Variants in RNF157 observed in about 807,000 individuals in gnomAD.
RNF157 encodes ring finger protein 157.
RNF157 carries 55 observed loss-of-function variants against 88.3 expected under a neutral mutation model. The ratio of observed to expected loss-of-function variants is 0.62; its 90% CI spans 0.50 to 0.78. The LOEUF is 0.78. Among genes scored for constraint, RNF157 ranks in the 30% least tolerant of loss-of-function variants. The probability of loss-of-function intolerance (pLI) is 0.00; values close to 1 mark genes in which losing one functional copy is unlikely to be tolerated. For synonymous variants in RNF157, 334 were observed against 341.2 expected (o/e 0.98, Z 0.23); for missense variants, 788 against 860.8 (o/e 0.92, Z 1.06).
At chr17:76,234,285 A>G in intron 1 of RNF157, among the ~76,000 whole-genome samples, 1 of 152,158 alleles carries the variant, frequency 6.6e-6, no homozygotes, top group East Asian at 1.9e-4. Context: ...AGTTCTATTC[A>G]TCGGTTGATG....
intron 2 of RNF157, among the ~76,000 whole-genome samples, chr17:76,205,426 C>G (rs1034539553): frequency 6.6e-6 from 1 of 152,172 alleles, no homozygotes; most frequent in East Asian, 1.9e-4. Context: ...GCCGCCATGC[C>G]GGGCACATTT....
intron 2 of RNF157, among the ~76,000 whole-genome samples, chr17:76,189,619 A>G (rs866010948): frequency 1.3e-5 from 2 of 152,342 alleles, no homozygotes; most frequent in South Asian, 2.1e-4. Flanking sequence ...GGTTAAATGG[A>G]TATCAGAGAA....
chr17:76,175,828 A>G (rs1262157824), intron 2 of RNF157: 2 of 977,190 alleles, frequency 2.0e-6, no homozygotes, highest in Non-Finnish European at 1.2e-6. Flanking sequence ...CGCAAAAGAG[A>G]GAAAAATAAA....
At chr17:76,220,454 G>C (rs2069962208) in intron 1 of RNF157, among the ~76,000 whole-genome samples, 1 of 150,616 alleles carries the variant, frequency 6.6e-6, no homozygotes. Flanking sequence ...TTGGAAACTA[G>C]CAATTAAAGG....
chr17:76,210,284 G>T (rs2069760098), intron 2 of RNF157, among the ~76,000 whole-genome samples: 2 of 151,986 alleles, frequency 1.3e-5, no homozygotes, highest in African/African-American at 4.8e-5. Flanking sequence ...TAGCAGAGGG[G>T]TCACTCCAGA....
intron 1 of RNF157, among the ~76,000 whole-genome samples, chr17:76,233,612 A>G (rs980501881): frequency 3.9e-5 from 6 of 152,240 alleles, no homozygotes; most frequent in Non-Finnish European, 4.4e-5. Flanking sequence ...ATCATAGCTC[A>G]CTGCAGCCTT....
intron 1 of RNF157, among the ~76,000 whole-genome samples, chr17:76,215,100 T>C (rs996046972): frequency 2.6e-5 from 4 of 152,138 alleles, no homozygotes; most frequent in Non-Finnish European, 5.9e-5. Flanking sequence ...TTGTGTATAA[T>C]ACATTGAGGA....
At position 76,195,024 on chromosome 17, in the gene RNF157, AAAC is replaced by A. The variant is rs2069456383; in HGVS notation, c.207+17337_207+17339del. ...AGCGAGACTCTGTCTCAAAAAAACA[AAAC>A]AAAACACAAGAGCAGAGGGAATGGG... is the stretch of plus-strand genomic sequence containing the variant. On this transcript the variant is annotated intron_variant, in intron 2 of 18. Coordinates refer to ENST00000269391, the MANE Select transcript of RNF157 (RefSeq NM_052916.3). The surrounding 1 kb of genome is among the most constrained non-coding windows in gnomAD (Gnocchi z 4.4). Among the ~76,000 whole-genome samples, 1 of 152,182 alleles carries A rather than the reference AAAC, an allele frequency of 6.6e-6. No homozygotes were observed.
chr17:76,225,831 A>T, intron 1 of RNF157: 1 of 1,608,560 alleles, frequency 6.2e-7, no homozygotes, highest in Non-Finnish European at 8.5e-7. Context: ...TTGGCCAGGG[A>T]ATCTGCCCTC....
chr17:76,232,057 G>A (rs143531209), intron 1 of RNF157, among the ~76,000 whole-genome samples: 1 of 152,060 alleles, frequency 6.6e-6, no homozygotes, highest in African/African-American at 2.4e-5. Flanking sequence ...AAATCATGTT[G>A]TATAGCATGT....
At chr17:76,210,501 A>G (rs1429996813) in intron 2 of RNF157, among the ~76,000 whole-genome samples, 1 of 143,300 alleles carries the variant, frequency 7.0e-6, no homozygotes, top group Non-Finnish European at 1.5e-5. Context: ...GAGGCAGGAG[A>G]ATGGCGTGAA....
At chr17:76,175,833 A>G (rs1239439667) in intron 2 of RNF157, 1 of 971,720 alleles carries the variant, frequency 1.0e-6, no homozygotes, top group Non-Finnish European at 1.2e-6. Context: ...AAGAGAGAAA[A>G]ATAAAAAGAA....
chr17:76,160,007 A>G lies in RNF157; in HGVS notation c.1066-434T>C, dbSNP rs1194023633. 6.6e-6 allele frequency among the ~76,000 whole-genome samples: 1 copy of G among 152,184 alleles called. No homozygotes were observed. The highest frequency in any genetic ancestry group is 1.5e-5 in the Non-Finnish European group (1 of 68,042). ...TACTTTCCTCTTTAAAAAAATAGAG[A>G]TGGGATCTCACTATGTTGCCCAGGC... On this transcript the variant is annotated intron_variant, in intron 11 of 18. Transcript: ENST00000269391. This position sits in a 1 kb window ranked among gnomAD's most constrained non-coding sequence, Gnocchi z 4.3.
At chr17:76,236,109 C>T (rs1040228874) in intron 1 of RNF157, among the ~76,000 whole-genome samples, 1 of 152,076 alleles carries the variant, frequency 6.6e-6, no homozygotes, top group Non-Finnish European at 1.5e-5. Context: ...CAGTTGAAGG[C>T]CTTAAAAGCA....
At chr17:76,147,986 C>T (rs2068610658) in intron 18 of RNF157, among the ~76,000 whole-genome samples, 1 of 152,138 alleles carries the variant, frequency 6.6e-6, no homozygotes, top group African/African-American at 2.4e-5. Flanking sequence ...TCTACAAAGC[C>T]ACTTATTAAA....
intron 17 of RNF157, 76 bp from the exon 18 acceptor site, chr17:76,152,541 T>C: frequency 1.2e-6 from 1 of 865,736 alleles, no homozygotes; most frequent in South Asian, 1.4e-5. Context: ...AATAAAAATC[T>C]TAAGGATGGA....
In RNF157 at chr17:76,149,394, A is replaced by T. The variant is rs530487312; in HGVS notation, c.1921+2961T>A. 4.6e-3 allele frequency among the ~76,000 whole-genome samples: 696 copies of T among 152,066 alleles called. 7 individuals are homozygous for T. The highest frequency in any genetic ancestry group is 6.8e-3 in the Middle Eastern group (2 of 294). On this transcript the variant is annotated intron_variant, in intron 18 of 18. Coordinates refer to ENST00000269391, the MANE Select transcript of RNF157 (RefSeq NM_052916.3). ...AAGAGGGAAATAGACTCAAGCAGAG[A>T]CCAGGCGCATGTGCAGCTGTTCTGA... is the stretch of plus-strand genomic sequence containing the variant.
At chr17:76,185,501 G>A (rs915214665) in intron 2 of RNF157, among the ~76,000 whole-genome samples, 1 of 122,416 alleles carries the variant, frequency 8.2e-6, no homozygotes, top group Non-Finnish European at 1.7e-5. Flanking sequence ...ACGGAGTCTC[G>A]CTCTGTCGCC....
chr17:76,221,914 C>G (rs1379170888), intron 1 of RNF157, among the ~76,000 whole-genome samples: 2 of 152,108 alleles, frequency 1.3e-5, no homozygotes, highest in Non-Finnish European at 2.9e-5. Flanking sequence ...AGAAGCCAAA[C>G]ACAAAAGGTC....
Sources: gnomAD v4.1 joint callset for allele counts (sites outside exome capture counted in the v4.1 genomes callset) on GRCh38, gnomAD v4.1.1 for gene constraint, Gnocchi (gnomAD v3.1) non-coding constraint, MANE v1.5 for transcripts, NCBI Gene and HGNC (gene_info 2026-07-23, HGNC 2026-07-21) for gene names.